The following SND1 variants were observed in gnomAD, a reference collection of about 807,000 sequenced individuals.
The protein encoded by SND1 is staphylococcal nuclease domain-containing protein 1.
In SND1, 38 loss-of-function variants were observed where a neutral mutation model predicts 121.7. The observed-to-expected ratio is 0.31, with a 90% confidence interval of 0.24 to 0.41. The LOEUF (loss-of-function observed/expected upper bound fraction) is 0.41, where lower values mean the gene tolerates loss of function less well. Ranked by LOEUF, SND1 falls within the 10% of genes least tolerant of loss-of-function variation. The probability of loss-of-function intolerance (pLI) is 1.00; values close to 1 mark genes in which losing one functional copy is unlikely to be tolerated. For synonymous variants in SND1, 401 were observed against 447.4 expected (o/e 0.90, Z 1.31); for missense variants, 868 against 1,184.6 (o/e 0.73, Z 3.92).
intron 12 of SND1, among the ~76,000 whole-genome samples, chr7:127,850,263 A>C (rs1218372580): frequency 6.6e-6 from 1 of 152,112 alleles, no homozygotes; most frequent in Non-Finnish European, 1.5e-5. Context: ...TATAGCTTTG[A>C]GGTTTTTCAC....
intron 12 of SND1, among the ~76,000 whole-genome samples, chr7:127,862,136 A>C (rs769115569): frequency 1.6e-4 from 24 of 152,180 alleles, no homozygotes; most frequent in Non-Finnish European, 3.1e-4. Context: ...CAAAAGCAGG[A>C]GCTGAAGAAT....
At chr7:127,858,280 G>T in intron 12 of SND1, 1 of 832,138 alleles carries the variant, frequency 1.2e-6, no homozygotes, top group Non-Finnish European at 2.0e-6. Flanking sequence ...GCCGGTCCGG[G>T]CACTGCGGGG....
intron 10 of SND1, among the ~76,000 whole-genome samples, chr7:127,806,112 T>C (rs1250087386): frequency 6.6e-6 from 1 of 152,326 alleles, no homozygotes; most frequent in East Asian, 1.9e-4. Flanking sequence ...TTGGAACTTA[T>C]AGGCTTCTGG....
chr7:127,701,537 G>GATACAT (rs55872906), intron 5 of SND1, among the ~76,000 whole-genome samples: 33,110 of 151,708 alleles, frequency 0.22, 4,161 homozygotes, highest in African/African-American at 0.35. Flanking sequence ...GCAGAAGCTA[G>GATACAT]TCCTGTGCTG....
intron 11 of SND1, among the ~76,000 whole-genome samples, chr7:127,835,969 G>A (rs996233866): frequency 6.6e-6 from 1 of 152,002 alleles, no homozygotes; most frequent in African/African-American, 2.4e-5. Flanking sequence ...TTTTCTAATG[G>A]CCCCTTACCT....
intron 11 of SND1, among the ~76,000 whole-genome samples, chr7:127,830,374 C>G (rs968110290): frequency 2.0e-5 from 3 of 152,116 alleles, no homozygotes; most frequent in Non-Finnish European, 4.4e-5. Flanking sequence ...GGTGCTAATG[C>G]TGGTTGGCAT....
At chr7:127,788,241 A>G (rs146223396) in intron 10 of SND1, among the ~76,000 whole-genome samples, 89 of 152,364 alleles carry the variant, frequency 5.8e-4, no homozygotes, top group African/African-American at 2.0e-3. Flanking sequence ...TTCAACAAAT[A>G]TTAATTGAGT....
At chr7:127,844,654 G>T (rs1261535389) in intron 12 of SND1, among the ~76,000 whole-genome samples, 2 of 152,124 alleles carry the variant, frequency 1.3e-5, no homozygotes, top group African/African-American at 2.4e-5. Flanking sequence ...ATTGGGCTCT[G>T]TGTGCCTGGC....
intron 14 of SND1, among the ~76,000 whole-genome samples, chr7:127,911,912 C>G (rs969634407): frequency 6.6e-5 from 10 of 152,270 alleles, no homozygotes; most frequent in Admixed American, 6.5e-4. Flanking sequence ...TTGCCCTCAC[C>G]CTTATGATGG....
intron 16 of SND1, among the ~76,000 whole-genome samples, chr7:128,023,549 C>CCTTGGGA (rs1255529130): frequency 6.6e-6 from 1 of 152,286 alleles, no homozygotes; most frequent in Admixed American, 6.5e-5. Context: ...TAAATCAGTG[C>CCTTGGGA]CTTGGGACAG....
chr7:127,950,152 G>C (rs892505207), intron 15 of SND1, among the ~76,000 whole-genome samples: 2 of 152,164 alleles, frequency 1.3e-5, no homozygotes, highest in Non-Finnish European at 2.9e-5. Flanking sequence ...GTTTCCAGAC[G>C]ATGTCAATGC....
chr7:127,871,827 C>G (rs374035204), intron 12 of SND1, among the ~76,000 whole-genome samples: 5 of 151,904 alleles, frequency 3.3e-5, no homozygotes, highest in African/African-American at 1.2e-4. Context: ...TAAGTAGATC[C>G]TAGTTCATGT....
chr7:127,793,950 C>CTA (rs149581626), intron 10 of SND1, among the ~76,000 whole-genome samples: 75 of 151,980 alleles, frequency 4.9e-4, no homozygotes, highest in Non-Finnish European at 9.1e-4. Flanking sequence ...GCAAGGCATG[C>CTA]TATATATATA....
rs912391962 is a variant in SND1 at position 128,083,511 on chromosome 7, T to A, written c.2111-1213T>A. Among the ~76,000 whole-genome samples the A allele has an allele frequency of 4.6e-5, 7 of 152,368 alleles. No individual in the cohort carries two copies. In the East Asian group the frequency reaches 1.3e-3, roughly 29 times the overall value. ...TTAAGAGTGGACATACATCCCTGCA[T>A]GCTTATGCAGTTTATTTTCAATGCA... On this transcript the variant is annotated intron_variant, in intron 18 of 23. Transcript: ENST00000354725.
intron 11 of SND1, among the ~76,000 whole-genome samples, chr7:127,841,300 T>C (rs563599232): frequency 3.4e-4 from 52 of 152,158 alleles, no homozygotes; most frequent in South Asian, 2.7e-3. Context: ...ATTTTTTCCC[T>C]AGGTAGTAGA....
chr7:127,872,630 A>ACG (rs1799616270), intron 12 of SND1, among the ~76,000 whole-genome samples: 1 of 21,816 alleles, frequency 4.6e-5, no homozygotes, highest in Non-Finnish European at 8.8e-5. Flanking sequence ...ACACACACGC[A>ACG]CACACACACA....
At chr7:127,751,455 C>T (rs546059415) in intron 10 of SND1, among the ~76,000 whole-genome samples, 24 of 152,242 alleles carry the variant, frequency 1.6e-4, no homozygotes, top group African/African-American at 5.5e-4. Flanking sequence ...GTGCATTGCC[C>T]ATTTAGCAGA....
chr7:127,969,145 G>T (rs971013674), intron 15 of SND1, among the ~76,000 whole-genome samples: 1 of 152,108 alleles, frequency 6.6e-6, no homozygotes, highest in Non-Finnish European at 1.5e-5. Flanking sequence ...GTAAATAGTT[G>T]GTGGTGGGTA....
chr7:127,681,163 A>G (rs2402869), intron 1 of SND1, among the ~76,000 whole-genome samples: 1,915 of 152,252 alleles, frequency 0.013, 51 homozygotes, highest in African/African-American at 0.044. Flanking sequence ...AACACTTGTT[A>G]TTGCCTGTCT....
Sources: allele counts gnomAD v4.1 joint callset (sites outside exome capture counted in the v4.1 genomes callset), GRCh38; gene constraint gnomAD v4.1.1; transcripts MANE v1.5; gene names NCBI Gene and HGNC (gene_info 2026-07-23, HGNC 2026-07-21).